The following SYN3 variants were observed in gnomAD, a reference collection of about 807,000 sequenced individuals.
SYN3 encodes the protein synapsin-3.
In SYN3, 35 loss-of-function variants were observed where a neutral mutation model predicts 65.8. The observed-to-expected ratio is 0.53, with a 90% confidence interval of 0.41 to 0.70. The LOEUF is 0.70. Ranked by LOEUF, SYN3 falls within the 30% of genes least tolerant of loss-of-function variation. SYN3 has a pLI of 0.00. For synonymous variants in SYN3, 270 were observed against 292.9 expected (o/e 0.92, Z 0.80); for missense variants, 680 against 749.0 (o/e 0.91, Z 1.08).
intron 6 of SYN3, among the ~76,000 whole-genome samples, chr22:32,754,615 G>A (rs897734633): frequency 6.6e-6 from 1 of 152,174 alleles, no homozygotes; most frequent in Admixed American, 6.5e-5. Flanking sequence ...ATCTCGCCTT[G>A]TCTTAGCTCC....
intron 6 of SYN3, among the ~76,000 whole-genome samples, chr22:32,764,415 A>G (rs914786107): frequency 1.3e-5 from 2 of 152,176 alleles, no homozygotes; most frequent in African/African-American, 4.8e-5. Context: ...AGAAGCCGGC[A>G]AAGACTGCGT....
At chr22:32,863,002 C>A (rs1196390650) in intron 6 of SYN3, 1 of 152,608 alleles carries the variant, frequency 6.6e-6, no homozygotes, top group African/African-American at 2.4e-5. Context: ...TATAGTGTGT[C>A]CTTTATTCTA....
intron 6 of SYN3, among the ~76,000 whole-genome samples, chr22:32,832,673 G>GTATTTTATTTTATTTTATTTTATTT (rs564439917): frequency 2.6e-5 from 4 of 151,458 alleles, no homozygotes; most frequent in African/African-American, 9.7e-5. Flanking sequence ...AAACCCTCGA[G>GTATTTTATTTTATTTTATTTTATTT]TATTTTATTT....
chr22:32,552,668 G>A (rs995145526), intron 7 of SYN3, among the ~76,000 whole-genome samples: 2 of 152,096 alleles, frequency 1.3e-5, no homozygotes, highest in African/African-American at 4.8e-5. Context: ...TCAGTAACAT[G>A]ATTCAGTCTC....
intron 7 of SYN3, among the ~76,000 whole-genome samples, chr22:32,550,222 G>A (rs1344947515): frequency 2.6e-5 from 4 of 152,006 alleles, no homozygotes; most frequent in African/African-American, 9.7e-5. Flanking sequence ...CCATTTCTTA[G>A]ATGAATAAAT....
chr22:32,966,551 G>A (rs536600008), intron 3 of SYN3, among the ~76,000 whole-genome samples: 111 of 152,274 alleles, frequency 7.3e-4, no homozygotes, highest in Middle Eastern at 3.4e-3. Flanking sequence ...TGAGAGGAAA[G>A]TGACCAAGCC....
intron 6 of SYN3, among the ~76,000 whole-genome samples, chr22:32,687,088 G>T (rs1055085679): frequency 2.6e-5 from 4 of 152,150 alleles, no homozygotes; most frequent in African/African-American, 9.7e-5. Context: ...TGCCCCAGGT[G>T]CCCAGGCTGA....
At chr22:32,766,279 T>C (rs2045624772) in intron 6 of SYN3, among the ~76,000 whole-genome samples, 1 of 152,206 alleles carries the variant, frequency 6.6e-6, no homozygotes, top group African/African-American at 2.4e-5. Context: ...GCTTTCTTCT[T>C]CTACTTCTCA....
chr22:32,859,270 T>C, intron 6 of SYN3: 1 of 1,614,196 alleles, frequency 6.2e-7, no homozygotes, highest in Non-Finnish European at 8.5e-7. Flanking sequence ...TTACCCTGGC[T>C]ACCAGTCCAA....
chr22:32,925,307 C>T (rs879457314), intron 4 of SYN3, among the ~76,000 whole-genome samples: 7 of 152,168 alleles, frequency 4.6e-5, no homozygotes, highest in Non-Finnish European at 1.0e-4. Context: ...TCACACTACT[C>T]CAGTATAACT....
At chr22:32,567,477 A>C (rs2058689885) in intron 7 of SYN3, among the ~76,000 whole-genome samples, 1 of 152,096 alleles carries the variant, frequency 6.6e-6, no homozygotes, top group South Asian at 2.1e-4. Flanking sequence ...TCCCGCCTCC[A>C]TGGAGCTTAT....
chr22:33,042,272 C>A (rs750932021), intron 1 of SYN3, among the ~76,000 whole-genome samples: 40 of 152,128 alleles, frequency 2.6e-4, no homozygotes, highest in Non-Finnish European at 1.0e-4. Context: ...TGACTAAGAG[C>A]CAACACAGTT....
At chr22:32,723,504 A>G (rs1433632658) in intron 6 of SYN3, among the ~76,000 whole-genome samples, 10 of 152,166 alleles carry the variant, frequency 6.6e-5, no homozygotes, top group Non-Finnish European at 1.5e-5. Flanking sequence ...AGATAAGGGA[A>G]TGGAGGCAGC....
intron 6 of SYN3, among the ~76,000 whole-genome samples, chr22:32,817,959 G>A (rs767829792): frequency 3.3e-5 from 5 of 152,128 alleles, no homozygotes; most frequent in African/African-American, 9.7e-5. Flanking sequence ...TCATTTTACC[G>A]ATAGGAGCAC....
At chr22:32,513,940 A>T in intron 13 of SYN3, 116 bp from the exon 14 acceptor site, 1 of 1,330,830 alleles carries the variant, frequency 7.5e-7, no homozygotes, top group Non-Finnish European at 1.0e-6. Context: ...AAGGTTATGA[A>T]GACCAGAAAC....
chr22:33,025,433 C>CAAA (rs33919912), intron 1 of SYN3, among the ~76,000 whole-genome samples: 13 of 78,710 alleles, frequency 1.7e-4, no homozygotes, highest in Non-Finnish European at 2.5e-4. Flanking sequence ...GACTCCGTCT[C>CAAA]AAAAAAAAAA....
At chr22:33,014,291 G>A (rs2053418118) in intron 1 of SYN3, 1 of 152,270 alleles carries the variant, frequency 6.6e-6, no homozygotes, top group Non-Finnish European at 1.5e-5. Flanking sequence ...TTCCTCTGAT[G>A]ATGGGCACCT....
intron 4 of SYN3, among the ~76,000 whole-genome samples, chr22:32,908,043 T>C (rs1398372478): frequency 6.6e-6 from 1 of 152,072 alleles, no homozygotes; most frequent in African/African-American, 2.4e-5. Flanking sequence ...GGGCTGGAGC[T>C]GGGATTTTAA....
chr22:32,955,452 G>C (rs2051424369), intron 3 of SYN3, among the ~76,000 whole-genome samples: 2 of 152,262 alleles, frequency 1.3e-5, no homozygotes, highest in Middle Eastern at 3.4e-3. Flanking sequence ...GCGGACACCT[G>C]GGGGATGAGG....
Sources: gnomAD v4.1 joint callset for allele counts (sites outside exome capture counted in the v4.1 genomes callset) on GRCh38, gnomAD v4.1.1 for gene constraint, MANE v1.5 for transcripts, NCBI Gene and HGNC (gene_info 2026-07-23, HGNC 2026-07-21) for gene names.